Variants in AP3S2 observed in about 807,000 individuals in gnomAD.
AP3S2 encodes the protein adaptor related protein complex 3 subunit sigma 2.
AP3S2 carries 22 observed loss-of-function variants against 23.4 expected under a neutral mutation model. That is an observed-to-expected ratio of 0.94 (90% CI 0.67 to 1.34). The LOEUF is 1.34. Among genes scored for constraint, AP3S2 ranks in the 40% most tolerant of loss-of-function variants. AP3S2 has a pLI of 0.00. For missense variants in AP3S2, 241 were observed against 236.9 expected (o/e 1.02, Z -0.11); for synonymous variants, 86 against 87.1 (o/e 0.99, Z 0.07).
At chr15:89,861,529 A>G (rs1896009294) in intron 4 of AP3S2, among the ~76,000 whole-genome samples, 1 of 152,196 alleles carries the variant, frequency 6.6e-6, no homozygotes, top group Non-Finnish European at 1.5e-5. Flanking sequence ...AGCTGTGTTT[A>G]GGGATTTCTG....
intron 3 of AP3S2, among the ~76,000 whole-genome samples, chr15:89,879,462 T>A (rs772738900): frequency 4.6e-5 from 7 of 152,006 alleles, no homozygotes; most frequent in Non-Finnish European, 1.0e-4. Flanking sequence ...TGCCCACAAG[T>A]AGCATGATGA....
Position 89,867,921 on chromosome 15 carries a change from G to A in AP3S2, c.345+3554C>T, listed in dbSNP as rs553729590. 2.0e-3 allele frequency among the ~76,000 whole-genome samples: 176 copies of A among 88,444 alleles called. 1 individual carries two copies. The highest frequency in any genetic ancestry group is 5.1e-3 in the African/African-American group (173 of 33,912). 58.0% of individuals were successfully genotyped at this position (88,444 alleles called of 152,430 possible). On this transcript the variant is annotated intron_variant, in intron 4 of 5. Transcript: ENST00000336418. ...CAGCCACCCCGTCCGGGAGGGAGGT[G>A]GGGGGGGTCAGCCCCCCACCCGGCC...
At chr15:89,860,230 T>G (rs1489858407) in intron 4 of AP3S2, among the ~76,000 whole-genome samples, 1 of 152,248 alleles carries the variant, frequency 6.6e-6, no homozygotes, top group Non-Finnish European at 1.5e-5. Flanking sequence ...TATTTTTTCC[T>G]ATACACACAT....
At chr15:89,840,432 T>C (rs753368674) in intron 4 of AP3S2, among the ~76,000 whole-genome samples, 4 of 152,118 alleles carry the variant, frequency 2.6e-5, no homozygotes, top group African/African-American at 4.8e-5. Context: ...TTATTATTAT[T>C]ACTATTATTA....
intron 3 of AP3S2, among the ~76,000 whole-genome samples, chr15:89,880,605 C>T (rs906734382): frequency 6.7e-6 from 1 of 150,050 alleles, no homozygotes; most frequent in Non-Finnish European, 1.5e-5. Flanking sequence ...ACCCAGGAGG[C>T]GGAGGTTGCA....
intron 1 of AP3S2, chr15:89,893,664 A>C (rs1896870708): frequency 9.3e-6 from 5 of 539,888 alleles, no homozygotes; most frequent in Non-Finnish European, 1.6e-5. Flanking sequence ...TGCCAGGATC[A>C]AGAAAAGGGT....
At chr15:89,848,048 T>A (rs1299611756) in intron 4 of AP3S2, among the ~76,000 whole-genome samples, 1 of 152,214 alleles carries the variant, frequency 6.6e-6, no homozygotes, top group Non-Finnish European at 1.5e-5. Flanking sequence ...TGTTAATGCA[T>A]GCCACATCCC....
intron 4 of AP3S2, among the ~76,000 whole-genome samples, chr15:89,866,885 A>G (rs1896136979): frequency 6.6e-6 from 1 of 152,128 alleles, no homozygotes; most frequent in African/African-American, 2.4e-5. Context: ...AAAAGACAGC[A>G]TTGGAGGAGG....
intron 3 of AP3S2, chr15:89,883,905 T>A (rs908849756): frequency 1.3e-5 from 2 of 152,160 alleles, no homozygotes; most frequent in Admixed American, 6.5e-5. Context: ...AATTTTTGAG[T>A]GCCAACATGA....
intron 1 of AP3S2, chr15:89,893,590 C>A: frequency 2.2e-6 from 1 of 452,450 alleles, no homozygotes; most frequent in Non-Finnish European, 3.9e-6. Flanking sequence ...AGGCACACTC[C>A]CCACTGTCGC....
At chr15:89,848,689 A>G (rs10852122) in intron 4 of AP3S2, 44,222 of 152,088 alleles carry the variant, frequency 0.29, 7,177 homozygotes, top group East Asian at 0.62. Flanking sequence ...GGGCTTCAGA[A>G]AATAAGTAGG....
In AP3S2 at chr15:89,837,696, C is replaced by T. The variant is rs776807195; in HGVS notation, c.372G>A (p.Val124=). The T allele has an allele frequency of 1.9e-6, 3 of 1,614,176 alleles. No individual in the cohort carries two copies. The highest frequency in any genetic ancestry group is 2.5e-6 in the Non-Finnish European group (3 of 1,180,032). Residue 124 remains valine (V), a synonymous_variant, in exon 5 of 6, where the codon GTG becomes GTA. Transcript: ENST00000336418. ...DKVHYILQEV[V]MGGMVLETNM... ...TTGTTTCCAACACCATCCCACCCAT[C>T]ACCACCTCCTGGAGGATGTAGTGCA...
intron 4 of AP3S2, among the ~76,000 whole-genome samples, chr15:89,841,772 C>G (rs1458318111): frequency 3.9e-5 from 6 of 151,918 alleles, no homozygotes; most frequent in African/African-American, 1.2e-4. Context: ...CAACAAACAT[C>G]CTGCAAAACA....
At chr15:89,861,047 G>A (rs1895999399) in intron 4 of AP3S2, among the ~76,000 whole-genome samples, 1 of 152,186 alleles carries the variant, frequency 6.6e-6, no homozygotes, top group Non-Finnish European at 1.5e-5. Flanking sequence ...ACAGGGTGTG[G>A]CAGGTATTAA....
intron 3 of AP3S2, among the ~76,000 whole-genome samples, chr15:89,872,167 T>A (rs1439203838): frequency 6.6e-6 from 1 of 151,280 alleles, no homozygotes; most frequent in African/African-American, 2.4e-5. Context: ...AATAACAAAT[T>A]AAAAAAACCA....
intron 4 of AP3S2, among the ~76,000 whole-genome samples, chr15:89,841,424 A>T (rs1035192005): frequency 6.6e-6 from 1 of 152,206 alleles, no homozygotes; most frequent in African/African-American, 2.4e-5. Flanking sequence ...CAGGGAGAGG[A>T]CAGGGAAGCT....
chr15:89,893,600 C>T (rs1896869332), intron 1 of AP3S2: 1 of 497,160 alleles, frequency 2.0e-6, no homozygotes, highest in African/African-American at 2.0e-5. Context: ...CCCACTGTCG[C>T]TTCTATCTCG....
At chr15:89,843,919 G>A (rs900835966) in intron 4 of AP3S2, among the ~76,000 whole-genome samples, 1 of 152,218 alleles carries the variant, frequency 6.6e-6, no homozygotes, top group African/African-American at 2.4e-5. Context: ...GGTAACAACA[G>A]ATCGTCAATA....
chr15:89,873,469 G>A (rs1896368749), intron 3 of AP3S2, among the ~76,000 whole-genome samples: 1 of 152,022 alleles, frequency 6.6e-6, no homozygotes. Flanking sequence ...ATTTTTAGTA[G>A]AGACGAGGTT....
Sources: gnomAD v4.1 joint callset for allele counts (sites outside exome capture counted in the v4.1 genomes callset) on GRCh38, gnomAD v4.1.1 for gene constraint, MANE v1.5 for transcripts, NCBI Gene and HGNC (gene_info 2026-07-23, HGNC 2026-07-21) for gene names.